The following SEPTIN10 variants were observed in gnomAD, a reference collection of about 807,000 sequenced individuals.
SEPTIN10 encodes the protein septin 10.
A neutral mutation model predicts 54.8 loss-of-function variants in SEPTIN10; 66 were observed. That is an observed-to-expected ratio of 1.21 (90% CI 0.99 to 1.48). The LOEUF (loss-of-function observed/expected upper bound fraction) is 1.48. SEPTIN10 is among the 40% of genes most tolerant of loss of function. The pLI, the probability that SEPTIN10 is intolerant of heterozygous loss-of-function variation, is 0.00. For missense variants in SEPTIN10, 620 were observed against 545.6 expected, an observed-to-expected ratio of 1.14 and a Z score of -1.36; for synonymous variants, 161 against 181.0, an observed-to-expected ratio of 0.89 and a Z score of 0.89.
chr2:109,588,852 A>T (rs1438204423), intron 2 of SEPTIN10, among the ~76,000 whole-genome samples: 4 of 63,046 alleles, frequency 6.3e-5, no homozygotes, highest in Admixed American at 1.6e-4. Context: ...ATTACTATTA[A>T]AAAAAAAAAA....
At chr2:109,597,105 A>G (rs1019809792) in intron 1 of SEPTIN10, among the ~76,000 whole-genome samples, 1 of 151,936 alleles carries the variant, frequency 6.6e-6, no homozygotes, top group African/African-American at 2.4e-5. Context: ...ATCCCAGCAC[A>G]CTTGGCTAAT....
At chr2:109,558,305 T>C (rs189081052) in intron 8 of SEPTIN10, among the ~76,000 whole-genome samples, 1 of 152,334 alleles carries the variant, frequency 6.6e-6, no homozygotes, top group East Asian at 1.9e-4. Context: ...TGAAGAACTA[T>C]TTAGTTCTTG....
At chr2:109,580,848 C>A (rs1690934299) in intron 4 of SEPTIN10, among the ~76,000 whole-genome samples, 1 of 152,192 alleles carries the variant, frequency 6.6e-6, no homozygotes, top group Non-Finnish European at 1.5e-5. Flanking sequence ...GGACAAGTGT[C>A]CCGGGCAGAG....
chr2:109,606,496 T>C (rs1348367297), intron 1 of SEPTIN10, among the ~76,000 whole-genome samples: 1 of 152,154 alleles, frequency 6.6e-6, no homozygotes, highest in Non-Finnish European at 1.5e-5. Flanking sequence ...TCTGGTAGCA[T>C]TCAATTACCA....
chr2:109,563,631 G>C (rs1223441166), intron 8 of SEPTIN10, among the ~76,000 whole-genome samples: 1 of 152,156 alleles, frequency 6.6e-6, no homozygotes, highest in African/African-American at 2.4e-5. Context: ...AACTTTTAAT[G>C]CTTTATATTA....
chr2:109,597,247 G>T (rs937366357), intron 1 of SEPTIN10, among the ~76,000 whole-genome samples: 3 of 152,162 alleles, frequency 2.0e-5, no homozygotes, highest in Non-Finnish European at 4.4e-5. Context: ...GGCTGGAAAA[G>T]GTTTTTAATA....
At position 109,553,287 on chromosome 2, in the gene SEPTIN10, G is replaced by A. The variant is rs368053574; in HGVS notation, c.1029-68C>T. ...AGGTCGGGTATGGCGGCTCACGCCTGTAATCCCAACACTTTGGGAGGCCGA... is the reference window on the plus strand; with the variant it reads ...AGGTCGGGTATGGCGGCTCACGCCTATAATCCCAACACTTTGGGAGGCCGA... On this transcript the variant is annotated intron_variant, in intron 8 of 10. Transcript: ENST00000397712. 346 of 1,547,588 alleles carry A rather than the reference G, an allele frequency of 2.2e-4. 1 individual carries two copies. In the African/African-American group the frequency reaches 3.7e-3, roughly 16 times the overall value.
intron 5 of SEPTIN10, among the ~76,000 whole-genome samples, chr2:109,570,398 C>T (rs1025435361): frequency 6.6e-6 from 1 of 152,124 alleles, no homozygotes; most frequent in Non-Finnish European, 1.5e-5. Flanking sequence ...TCTGCATCCA[C>T]AGATTCAACC....
chr2:109,604,668 A>G (rs1336351412), intron 1 of SEPTIN10, among the ~76,000 whole-genome samples: 1 of 148,398 alleles, frequency 6.7e-6, no homozygotes, highest in Non-Finnish European at 1.5e-5. Context: ...CGGAGCTTAC[A>G]GTGAGCCAAG....
intron 1 of SEPTIN10, among the ~76,000 whole-genome samples, chr2:109,596,499 C>G (rs908319233): frequency 6.6e-6 from 1 of 151,970 alleles, no homozygotes; most frequent in Non-Finnish European, 1.5e-5. Context: ...CACCTGTAGT[C>G]CCAGCTACTC....
intron 2 of SEPTIN10, among the ~76,000 whole-genome samples, chr2:109,588,226 C>T (rs1480647686): frequency 6.6e-6 from 1 of 151,922 alleles, no homozygotes; most frequent in Non-Finnish European, 1.5e-5. Context: ...CCAGTTGGCC[C>T]ACAGTATAAA....
chr2:109,545,778 T>A, intron 10 of SEPTIN10: 1 of 1,428,422 alleles, frequency 7.0e-7, no homozygotes. Flanking sequence ...CCCAGCTAAC[T>A]GATCCTTTTC....
At chr2:109,608,771 T>TAA (rs888944726) in intron 1 of SEPTIN10, among the ~76,000 whole-genome samples, 1 of 151,606 alleles carries the variant, frequency 6.6e-6, no homozygotes, top group Non-Finnish European at 1.5e-5. Context: ...ATACAAATCC[T>TAA]AAAAAAAAAT....
intron 7 of SEPTIN10, among the ~76,000 whole-genome samples, chr2:109,564,958 T>C: frequency 6.6e-6 from 1 of 152,206 alleles, no homozygotes; most frequent in Non-Finnish European, 1.5e-5. Flanking sequence ...AACTCAAGAA[T>C]ACTATCCTTC....
chr2:109,580,667 G>T (rs1690894602), intron 4 of SEPTIN10, among the ~76,000 whole-genome samples: 1 of 152,130 alleles, frequency 6.6e-6, no homozygotes, highest in South Asian at 2.1e-4. Context: ...CATGATAGAG[G>T]AACTGGGACT....
intron 2 of SEPTIN10, among the ~76,000 whole-genome samples, chr2:109,589,732 T>C (rs774640818): frequency 6.8e-5 from 10 of 147,208 alleles, no homozygotes; most frequent in Non-Finnish European, 1.5e-4. Context: ...TATTATTATA[T>C]AGCCAAAAAA....
chr2:109,548,956 G>GGAA (rs1159313614), intron 9 of SEPTIN10, among the ~76,000 whole-genome samples: 1 of 152,086 alleles, frequency 6.6e-6, no homozygotes, highest in Non-Finnish European at 1.5e-5. Flanking sequence ...GTATTCCAAG[G>GGAA]GAAACAAGGT....
chr2:109,569,894 T>C (rs1218443303), intron 5 of SEPTIN10, among the ~76,000 whole-genome samples: 1 of 152,088 alleles, frequency 6.6e-6, no homozygotes, highest in Non-Finnish European at 1.5e-5. Context: ...GTTCTGCTTT[T>C]TAGTAACAGA....
chr2:109,602,001 G>A (rs2106171854), intron 1 of SEPTIN10, among the ~76,000 whole-genome samples: 1 of 152,296 alleles, frequency 6.6e-6, no homozygotes, highest in African/African-American at 2.4e-5. Flanking sequence ...TAGTGAGGCA[G>A]ATTTTGACAC....
Sources: gnomAD v4.1 joint callset for allele counts (sites outside exome capture counted in the v4.1 genomes callset) on GRCh38, gnomAD v4.1.1 for gene constraint, MANE v1.5 for transcripts, NCBI Gene and HGNC (gene_info 2026-07-23, HGNC 2026-07-21) for gene names.